Variants in BRINP2 observed in about 807,000 individuals in gnomAD.
BRINP2 encodes the protein BMP/retinoic acid inducible neural specific 2, also known as BMP/retinoic acid-inducible neural-specific protein 2.
Under a neutral mutation model 69.2 loss-of-function variants are expected in BRINP2, and 21 were observed. The observed-to-expected ratio is 0.30, with a 90% CI of 0.22 to 0.44. The LOEUF (loss-of-function observed/expected upper bound fraction) is 0.44, where lower values mean the gene tolerates loss of function less well. Ranked by LOEUF, BRINP2 falls within the 20% of genes least tolerant of loss-of-function variation. The pLI is 1.00. For missense variants in BRINP2, 877 were observed against 986.0 expected (o/e 0.89, Z 1.48); for synonymous variants, 380 against 394.1 (o/e 0.96, Z 0.42).
intron 1 of BRINP2, among the ~76,000 whole-genome samples, chr1:177,178,159 T>G (rs1648144266): frequency 6.6e-6 from 1 of 152,186 alleles, no homozygotes; most frequent in Non-Finnish European, 1.5e-5. Context: ...GCTCTCACCC[T>G]TCTCTCCAGC....
At chr1:177,257,502 C>A in intron 4 of BRINP2, 118 bp downstream of exon 4, 1 of 1,005,614 alleles carries the variant, frequency 9.9e-7, no homozygotes, top group Non-Finnish European at 1.4e-6. Context: ...GGAAAAGAAG[C>A]TTTCTGATGA....
chr1:177,232,719 G>A (rs920285480), intron 2 of BRINP2, among the ~76,000 whole-genome samples: 1 of 151,922 alleles, frequency 6.6e-6, no homozygotes, highest in African/African-American at 2.4e-5. Context: ...AAAGAAAACT[G>A]GTAAAACATA....
chr1:177,201,542 T>G (rs937525788), intron 1 of BRINP2, among the ~76,000 whole-genome samples: 1 of 152,268 alleles, frequency 6.6e-6, no homozygotes, highest in African/African-American at 2.4e-5. Flanking sequence ...ACACTGAAAA[T>G]TTTTTGCTTG....
In BRINP2 at chr1:177,178,981, A is replaced by T. The variant is rs375608953; in HGVS notation, c.-77+7249A>T. 3.1e-4 allele frequency among the ~76,000 whole-genome samples: 47 copies of T among 152,314 alleles called. 1 individual carries two copies. Among genetic ancestry groups the T allele is most frequent in the African/African-American group, 9.9e-4 (41 of 41,554 alleles). On this transcript the variant is annotated intron_variant, in intron 1 of 7. Coordinates refer to ENST00000361539, the MANE Select transcript of BRINP2 (RefSeq NM_021165.4). ...ACTGAAGTTTTACACAAATAAACTC[A>T]TTTGATCCTATAAGGTAAGTAGGTT...
At chr1:177,200,999 C>A (rs12082646) in intron 1 of BRINP2, among the ~76,000 whole-genome samples, 17,324 of 151,964 alleles carry the variant, frequency 0.11, 1,928 homozygotes, top group African/African-American at 0.28. Flanking sequence ...TATAAGGATG[C>A]AAAAGAATGA....
At chr1:177,239,496 T>G (rs1393936175) in intron 2 of BRINP2, among the ~76,000 whole-genome samples, 3 of 152,238 alleles carry the variant, frequency 2.0e-5, no homozygotes, top group African/African-American at 7.2e-5. Flanking sequence ...CAGTGTTAAG[T>G]AAATCCCTAC....
At chr1:177,203,362 A>G (rs1263595486) in intron 1 of BRINP2, among the ~76,000 whole-genome samples, 3 of 152,162 alleles carry the variant, frequency 2.0e-5, no homozygotes, top group Non-Finnish European at 4.4e-5. Flanking sequence ...TAGCATTAGG[A>G]GATATACCTA....
rs1220074324 is a variant in BRINP2, at chr1:177,276,386, C to A, written c.964C>A (p.Gln322Lys). The change falls in exon 6 of 8, where the codon CAG becomes AAG. Residue 322 changes from glutamine to lysine, a missense_variant. By Grantham distance (53) the Gln-to-Lys change is moderately conservative. This residue lies in a region of BRINP2 where 566 missense variants were observed against 625.2 expected (regional missense o/e 0.91). Transcript: ENST00000361539. ...DIQAMEDSLL[Q>K]IQDSWATHNR... ...CCAGGCCATGGAGGACAGCCTGCTGCAGATCCAGGACTCCTGGGCCACTCA... is the reference window on the plus strand; with the variant it reads ...CCAGGCCATGGAGGACAGCCTGCTGAAGATCCAGGACTCCTGGGCCACTCA... The A allele has an allele frequency of 6.2e-7, 1 of 1,614,060 alleles. No homozygotes were observed. Among genetic ancestry groups the A allele is most frequent in the Non-Finnish European group, 8.5e-7 (1 of 1,180,046 alleles).
chr1:177,214,572 A>G (rs1034358948), intron 1 of BRINP2, among the ~76,000 whole-genome samples: 10 of 152,198 alleles, frequency 6.6e-5, no homozygotes, highest in African/African-American at 2.4e-4. Flanking sequence ...CTGAATGCCA[A>G]GTACCCTTCA....
In BRINP2 at chr1:177,281,443, T is replaced by A; in HGVS notation, c.2267T>A (p.Val756Glu). The A allele has an allele frequency of 1.2e-6, 2 of 1,613,868 alleles. No individual in the cohort carries two copies. Among genetic ancestry groups the A allele is most frequent in the Non-Finnish European group, 1.7e-6 (2 of 1,180,006 alleles). The change falls in exon 8 of 8, where the codon GTG (valine) becomes GAG (glutamate). Residue 756 changes from valine (V) to glutamate (E), a missense_variant. Coordinates refer to ENST00000361539, the MANE Select transcript of BRINP2 (RefSeq NM_021165.4). ...CGGCTTAAGCTGGCCAACAATGAGG[T>A]GGGCAGGATCCAGTCCTCCCTGAGG... ...RHRLKLANNE[V>E]GRIQSSLRAF...
chr1:177,282,244 C>T lies in BRINP2; in HGVS notation c.*716C>T, dbSNP rs1651729406. On this transcript the variant is annotated 3_prime_UTR_variant, in exon 8 of 8. Coordinates refer to ENST00000361539, the MANE Select transcript of BRINP2 (RefSeq NM_021165.4). ...TCCCTTCAGAGCTCCTTTCCAACAG[C>T]ATCTCTCTGTCGAAGAAAGAAGCTC... 1 of 152,134 alleles carries T rather than the reference C, an allele frequency of 6.6e-6. No homozygotes were observed. Among genetic ancestry groups the T allele is most frequent in the Admixed American group, 6.5e-5 (1 of 15,278 alleles). 9.4% of individuals were successfully genotyped at this position (152,134 alleles called of 1,614,324 possible).
intron 2 of BRINP2, among the ~76,000 whole-genome samples, chr1:177,238,985 TAAG>T (rs1278808201): frequency 6.6e-6 from 1 of 152,218 alleles, no homozygotes; most frequent in Non-Finnish European, 1.5e-5. Context: ...ACATAACTGA[TAAG>T]AGGAAGAGCC....
At chr1:177,218,743 G>A (rs569817324) in intron 1 of BRINP2, among the ~76,000 whole-genome samples, 13 of 152,270 alleles carry the variant, frequency 8.5e-5, no homozygotes, top group African/African-American at 3.1e-4. Context: ...GAAGGGCAAC[G>A]TGGTCAAAGC....
At chr1:177,188,253 T>A (rs999045932) in intron 1 of BRINP2, among the ~76,000 whole-genome samples, 1 of 152,180 alleles carries the variant, frequency 6.6e-6, no homozygotes, top group Non-Finnish European at 1.5e-5. Flanking sequence ...TAACAAATAT[T>A]TATTGAGCTC....
At chr1:177,274,017 A>C (rs1323429599) in intron 5 of BRINP2, among the ~76,000 whole-genome samples, 6 of 152,226 alleles carry the variant, frequency 3.9e-5, no homozygotes, top group Non-Finnish European at 8.8e-5. Context: ...TACCATCTCC[A>C]GCTCAACTAA....
At chr1:177,210,638 TA>T (rs150020942) in intron 1 of BRINP2, among the ~76,000 whole-genome samples, 2,797 of 152,292 alleles carry the variant, frequency 0.018, 67 homozygotes, top group African/African-American at 0.062. Context: ...TTTAAGTTTT[TA>T]TTTTTTTAAG....
chr1:177,247,783 G>A (rs1650430585), intron 2 of BRINP2, among the ~76,000 whole-genome samples: 1 of 152,234 alleles, frequency 6.6e-6, no homozygotes, highest in South Asian at 2.1e-4. Flanking sequence ...TCTCAATTCT[G>A]AGAAACGCAG....
At chr1:177,194,758 C>T (rs781005953) in intron 1 of BRINP2, among the ~76,000 whole-genome samples, 6 of 142,366 alleles carry the variant, frequency 4.2e-5, no homozygotes, top group South Asian at 2.1e-4. Flanking sequence ...TCTTAAGTGG[C>T]GAGGCTGTGT....
chr1:177,241,521 C>G, intron 2 of BRINP2, among the ~76,000 whole-genome samples: 1 of 152,300 alleles, frequency 6.6e-6, no homozygotes, highest in South Asian at 2.1e-4. Flanking sequence ...CCCCTCCTCT[C>G]GCATTCTCTT....
Sources: gnomAD v4.1 joint callset for allele counts (sites outside exome capture counted in the v4.1 genomes callset) on GRCh38, gnomAD v4.1.1 for gene constraint, gnomAD v4.1.1 regional missense constraint, MANE v1.5 for transcripts, NCBI Gene and HGNC (gene_info 2026-07-23, HGNC 2026-07-21) for gene names.